Variants in JAZF1 observed in about 807,000 individuals in gnomAD.
JAZF1 encodes JAZF zinc finger 1.
Under a neutral mutation model 26.4 loss-of-function variants are expected in JAZF1, and 8 were observed. The ratio of observed to expected loss-of-function variants is 0.30; its 90% CI spans 0.18 to 0.55. JAZF1 has a LOEUF of 0.55. JAZF1 is among the 20% of genes least tolerant of loss of function. The pLI is 0.94. For missense variants in JAZF1, 199 were observed against 322.0 expected, an observed-to-expected ratio of 0.62 and a Z score of 2.92; for synonymous variants, 126 against 122.3, an observed-to-expected ratio of 1.03 and a Z score of -0.20.
intron 1 of JAZF1, among the ~76,000 whole-genome samples, chr7:28,121,186 G>GA (rs113018287): frequency 6.7e-5 from 9 of 134,142 alleles, no homozygotes; most frequent in Admixed American, 7.6e-5. Context: ...AGACTGTCTC[G>GA]AAAAAAAAAG....
chr7:27,997,603 T>C lies in JAZF1; in HGVS notation c.116-5622A>G, dbSNP rs1490799942. On this transcript the variant is annotated intron_variant, in intron 1 of 4. Coordinates refer to ENST00000283928, the MANE Select transcript of JAZF1 (RefSeq NM_175061.4). ...CTTAAGAGTCAAAGTCTTGCTCTAT[T>C]GCTCAGCTGGAGTGCAATGGTGGAA... 3.9e-5 allele frequency among the ~76,000 whole-genome samples: 6 copies of C among 152,344 alleles called. No homozygotes were observed. In the South Asian group the frequency reaches 1.2e-3, roughly 32 times the overall value.
chr7:28,113,649 AG>A (rs1262001940), intron 1 of JAZF1, among the ~76,000 whole-genome samples: 3 of 152,216 alleles, frequency 2.0e-5, no homozygotes, highest in African/African-American at 7.2e-5. Context: ...GATGTGTTTA[AG>A]CCTCATTTTA....
intron 1 of JAZF1, among the ~76,000 whole-genome samples, chr7:28,167,813 T>C (rs1783392071): frequency 6.6e-6 from 1 of 152,252 alleles, no homozygotes; most frequent in Admixed American, 6.5e-5. Flanking sequence ...AATGTTTTCA[T>C]GTTAAAAAAT....
At chr7:28,037,280 G>T (rs770569718) in intron 1 of JAZF1, among the ~76,000 whole-genome samples, 6 of 152,206 alleles carry the variant, frequency 3.9e-5, no homozygotes, top group Non-Finnish European at 7.4e-5. Flanking sequence ...CACAGTCAGA[G>T]AAATCAGTGA....
intron 1 of JAZF1, among the ~76,000 whole-genome samples, chr7:28,159,811 T>A (rs1174654421): frequency 6.6e-6 from 1 of 152,140 alleles, no homozygotes; most frequent in African/African-American, 2.4e-5. Flanking sequence ...GTAGACTGCA[T>A]AAAAACGGGG....
intron 2 of JAZF1, among the ~76,000 whole-genome samples, chr7:27,908,999 T>TAA (rs1784310262): frequency 4.4e-5 from 3 of 68,492 alleles, no homozygotes; most frequent in African/African-American, 1.5e-4. Flanking sequence ...CACACTTGAA[T>TAA]AATATTCATT....
At chr7:27,992,760 A>C (rs1430537337) in intron 1 of JAZF1, among the ~76,000 whole-genome samples, 1 of 152,248 alleles carries the variant, frequency 6.6e-6, no homozygotes, top group Non-Finnish European at 1.5e-5. Context: ...GAAAATGAGC[A>C]CACAATTTTA....
intron 2 of JAZF1, among the ~76,000 whole-genome samples, chr7:27,991,227 C>T (rs1348020480): frequency 1.3e-5 from 2 of 152,162 alleles, no homozygotes; most frequent in Non-Finnish European, 2.9e-5. Flanking sequence ...TCATTAAAAA[C>T]TAGTTTTGCT....
intron 1 of JAZF1, among the ~76,000 whole-genome samples, chr7:28,084,408 C>T (rs566082794): frequency 9.2e-4 from 140 of 152,302 alleles, no homozygotes; most frequent in African/African-American, 3.3e-3. Context: ...TTAAGCTATT[C>T]ACCAAGTCAA....
At chr7:27,915,642 G>T (rs1416641464) in intron 2 of JAZF1, among the ~76,000 whole-genome samples, 1 of 152,126 alleles carries the variant, frequency 6.6e-6, no homozygotes, top group Non-Finnish European at 1.5e-5. Context: ...ACAACATTTA[G>T]GTTGAAACAT....
chr7:28,147,801 A>C (rs970784391), intron 1 of JAZF1, among the ~76,000 whole-genome samples: 1 of 151,934 alleles, frequency 6.6e-6, no homozygotes, highest in African/African-American at 2.4e-5. Flanking sequence ...GAGGGGGGAC[A>C]GGGAGGCTGA....
chr7:27,836,211 G>A (rs1782811018), intron 4 of JAZF1, among the ~76,000 whole-genome samples: 1 of 152,170 alleles, frequency 6.6e-6, no homozygotes, highest in Non-Finnish European at 1.5e-5. Flanking sequence ...TGGGATAATA[G>A]TCTGGAGAAA....
chr7:27,906,309 G>C (rs61485273), intron 2 of JAZF1, among the ~76,000 whole-genome samples: 1 of 152,128 alleles, frequency 6.6e-6, no homozygotes, highest in Admixed American at 6.5e-5. Context: ...CAGTGGAAAC[G>C]TCCTCATGAA....
At chr7:28,116,604 G>T (rs111982119) in intron 1 of JAZF1, among the ~76,000 whole-genome samples, 1 of 147,636 alleles carries the variant, frequency 6.8e-6, no homozygotes, top group African/African-American at 2.5e-5. Flanking sequence ...CACTACGCCC[G>T]GCTAATTTTT....
chr7:27,878,723 AC>A (rs1038192925), intron 3 of JAZF1, among the ~76,000 whole-genome samples: 1 of 152,150 alleles, frequency 6.6e-6, no homozygotes, highest in African/African-American at 2.4e-5. Context: ...CCATTGCCTC[AC>A]CTGCCATTCT....
chr7:28,023,942 T>C (rs1249642879), intron 1 of JAZF1, among the ~76,000 whole-genome samples: 2 of 152,112 alleles, frequency 1.3e-5, no homozygotes, highest in Non-Finnish European at 2.9e-5. Context: ...TTAGAATAGA[T>C]AACATTTAAG....
chr7:27,849,251 G>A (rs1783086185), intron 3 of JAZF1, among the ~76,000 whole-genome samples: 1 of 152,214 alleles, frequency 6.6e-6, no homozygotes, highest in Non-Finnish European at 1.5e-5. Flanking sequence ...TTCAGTGTGT[G>A]AGCAGGTGGG....
intron 1 of JAZF1, among the ~76,000 whole-genome samples, chr7:28,165,826 T>A (rs558154233): frequency 6.6e-6 from 1 of 152,300 alleles, no homozygotes; most frequent in African/African-American, 2.4e-5. Flanking sequence ...TATGACTGTT[T>A]GAAATTAGCT....
rs372969329 is a variant in JAZF1, at chr7:27,911,515, C to A, written c.189-16099G>T. On this transcript the variant is annotated intron_variant, in intron 2 of 4. Coordinates refer to ENST00000283928, the MANE Select transcript of JAZF1 (RefSeq NM_175061.4). ...CATTAGCCATATGAAGCTATGAACA[C>A]CTGAAATGTGGCTAGTACAGCCAAG... Among the ~76,000 whole-genome samples, 21 of 152,220 alleles carry A rather than the reference C, an allele frequency of 1.4e-4. No homozygotes were observed. The East Asian group carries it at 4.0e-3, about 29-fold the overall frequency.
Sources: gnomAD v4.1 joint callset for allele counts (sites outside exome capture counted in the v4.1 genomes callset) on GRCh38, gnomAD v4.1.1 for gene constraint, MANE v1.5 for transcripts, NCBI Gene and HGNC (gene_info 2026-07-23, HGNC 2026-07-21) for gene names.